The following PTPRD variants were observed in gnomAD, a reference collection of about 807,000 sequenced individuals.
PTPRD encodes the protein protein tyrosine phosphatase receptor type D, also known as receptor-type tyrosine-protein phosphatase delta.
A neutral mutation model predicts 214.5 loss-of-function variants in PTPRD; 34 were observed. The ratio of observed to expected loss-of-function variants is 0.16; its 90% CI spans 0.12 to 0.21. The LOEUF (loss-of-function observed/expected upper bound fraction) is 0.21, where lower values mean the gene tolerates loss of function less well. Ranked by LOEUF, PTPRD falls within the 10% of genes least tolerant of loss-of-function variation. The pLI, the probability that PTPRD is intolerant of heterozygous loss-of-function variation, is 1.00. For missense variants in PTPRD, 2,545 were observed against 2,398.7 expected (o/e 1.06, Z -1.27); for synonymous variants, 1,128 against 845.7 (o/e 1.33, Z -5.79).
chr9:8,315,207 T>C lies in PTPRD; in HGVS notation c.*2667A>G, dbSNP rs1257302539. The C allele has an allele frequency of 1.3e-5, 3 of 232,608 alleles. No individual in the cohort carries two copies. Among genetic ancestry groups the C allele is most frequent in the African/African-American group, 4.4e-5 (2 of 45,250 alleles). The allele number at this position is 232,608 out of a possible 1,614,324, so 14.4% of individuals were successfully genotyped here. A position where few individuals can be genotyped will look rare whatever the true frequency, so the allele number is the denominator to read the frequency against. On this transcript the variant is annotated 3_prime_UTR_variant, in exon 46 of 46. Coordinates refer to ENST00000381196, the MANE Select transcript of PTPRD (RefSeq NM_002839.4). ...TGCACATCAATGACAGTAAGGGAGT[T>C]AGTTCTAGGAACAGCTCCTGAACAG...
intron 8 of PTPRD, among the ~76,000 whole-genome samples, chr9:9,433,737 C>A (rs143339021): frequency 4.6e-5 from 7 of 152,068 alleles, no homozygotes; most frequent in African/African-American, 7.2e-5. Flanking sequence ...ATTTACAAGT[C>A]GCAAAAGAAT....
intron 2 of PTPRD, among the ~76,000 whole-genome samples, chr9:10,414,637 G>A (rs567875842): frequency 2.6e-5 from 4 of 151,808 alleles, no homozygotes; most frequent in South Asian, 2.1e-4. Flanking sequence ...ACACATGCAC[G>A]TGAATGTTCA....
intron 4 of PTPRD, among the ~76,000 whole-genome samples, chr9:10,005,008 T>C (rs1588682716): frequency 6.6e-6 from 1 of 152,134 alleles, no homozygotes; most frequent in South Asian, 2.1e-4. Context: ...TTAATACTAA[T>C]GGAAAAACTT....
chr9:9,529,333 T>G (rs542688315), intron 8 of PTPRD, among the ~76,000 whole-genome samples: 1 of 149,428 alleles, frequency 6.7e-6, no homozygotes, highest in East Asian at 2.0e-4. Flanking sequence ...GAAAGACTAG[T>G]AACAAAATAA....
chr9:10,349,016 CAG>C (rs988353350), intron 2 of PTPRD, among the ~76,000 whole-genome samples: 2 of 152,204 alleles, frequency 1.3e-5, no homozygotes, highest in South Asian at 4.1e-4. Flanking sequence ...GGACAGAACT[CAG>C]AGTCATCCCT....
chr9:10,227,539 T>A (rs1448657941), intron 3 of PTPRD, among the ~76,000 whole-genome samples: 2 of 152,098 alleles, frequency 1.3e-5, no homozygotes, highest in African/African-American at 4.8e-5. Flanking sequence ...CTTAACTGCA[T>A]TGCCCGTTTG....
At chr9:10,506,256 C>T (rs1171120401) in intron 2 of PTPRD, among the ~76,000 whole-genome samples, 1 of 151,904 alleles carries the variant, frequency 6.6e-6, no homozygotes, top group Admixed American at 6.6e-5. Flanking sequence ...AAAAGATGTG[C>T]AAAAATAGTA....
chr9:9,769,450 C>T lies in PTPRD; in HGVS notation c.-367-2599G>A, dbSNP rs140826866. Among the ~76,000 whole-genome samples, 800 of 151,188 alleles carry T rather than the reference C, an allele frequency of 5.3e-3. 11 individuals carry two copies. The highest frequency in any genetic ancestry group is 0.018 in the African/African-American group (760 of 41,226). On this transcript the variant is annotated intron_variant, in intron 5 of 45. Transcript: ENST00000381196. Reference sequence around the variant, plus strand: ...ACACCATTCTCCTGCCTCAGCCTCCCGAGCAGCTGGGACTACAGGTGCCCG... The same window carrying T: ...ACACCATTCTCCTGCCTCAGCCTCCTGAGCAGCTGGGACTACAGGTGCCCG...
intron 12 of PTPRD, chr9:8,713,418 T>C: frequency 1.8e-6 from 2 of 1,104,688 alleles, no homozygotes; most frequent in Non-Finnish European, 1.4e-6. Context: ...TTGCACCTAA[T>C]CGTGTCGTCG....
intron 44 of PTPRD, among the ~76,000 whole-genome samples, chr9:8,321,772 A>G (rs1473903125): frequency 6.6e-6 from 1 of 151,870 alleles, no homozygotes; most frequent in African/African-American, 2.4e-5. Context: ...AGGTAATTCA[A>G]TCCCAATATA....
At chr9:9,038,288 C>G (rs976685949) in intron 10 of PTPRD, among the ~76,000 whole-genome samples, 1 of 152,126 alleles carries the variant, frequency 6.6e-6, no homozygotes, top group Admixed American at 6.6e-5. Flanking sequence ...CAGCTGGGAC[C>G]TACCACAGGA....
intron 39 of PTPRD, among the ~76,000 whole-genome samples, chr9:8,355,757 C>T (rs183546817): frequency 1.6e-3 from 240 of 152,236 alleles, no homozygotes; most frequent in South Asian, 3.5e-3. Context: ...TGTGAGAGCA[C>T]GGAGACCTGG....
At chr9:10,362,389 C>T (rs1259540107) in intron 2 of PTPRD, among the ~76,000 whole-genome samples, 3 of 149,958 alleles carry the variant, frequency 2.0e-5, no homozygotes, top group Non-Finnish European at 4.4e-5. Context: ...AGCTTTTAAA[C>T]CCAGGCAGTC....
At chr9:8,532,602 C>T (rs1013504166) in intron 14 of PTPRD, among the ~76,000 whole-genome samples, 33 of 152,058 alleles carry the variant, frequency 2.2e-4, no homozygotes, top group Non-Finnish European at 4.0e-4. Context: ...CATTAATGTG[C>T]TCATTAAGCT....
intron 5 of PTPRD, among the ~76,000 whole-genome samples, chr9:9,902,969 C>T (rs150231949): frequency 5.9e-5 from 9 of 152,122 alleles, no homozygotes; most frequent in Admixed American, 5.9e-4. Flanking sequence ...TCTAATTCTG[C>T]CAAAATATCC....
intron 3 of PTPRD, among the ~76,000 whole-genome samples, chr9:10,040,251 C>CGTTT (rs2097271024): frequency 6.6e-6 from 1 of 151,970 alleles, no homozygotes; most frequent in South Asian, 2.1e-4. Flanking sequence ...ATTTTGTTGT[C>CGTTT]GTTTGATGTT....
intron 2 of PTPRD, among the ~76,000 whole-genome samples, chr9:10,556,071 CT>C (rs1482082198): frequency 5.9e-5 from 9 of 152,064 alleles, no homozygotes; most frequent in African/African-American, 1.9e-4. Flanking sequence ...CCTTTTGCAA[CT>C]GTTTTTTATA....
At chr9:8,487,719 A>T (rs2097057344) in intron 27 of PTPRD, among the ~76,000 whole-genome samples, 1 of 152,194 alleles carries the variant, frequency 6.6e-6, no homozygotes, top group Admixed American at 6.5e-5. Context: ...CTGAGGCAGG[A>T]GCATCACTTG....
At chr9:9,157,364 C>T (rs1341137515) in intron 10 of PTPRD, among the ~76,000 whole-genome samples, 2 of 151,522 alleles carry the variant, frequency 1.3e-5, no homozygotes, top group African/African-American at 4.8e-5. Context: ...AAAAGACAAA[C>T]AAAATCAATA....
Sources: allele counts gnomAD v4.1 joint callset (sites outside exome capture counted in the v4.1 genomes callset), GRCh38; gene constraint gnomAD v4.1.1; transcripts MANE v1.5; gene names NCBI Gene and HGNC (gene_info 2026-07-23, HGNC 2026-07-21).